Variants in METTL21A observed in about 807,000 individuals in gnomAD.
METTL21A encodes protein N-lysine methyltransferase METTL21A.
Under a neutral mutation model 20.9 loss-of-function variants are expected in METTL21A, and 22 were observed. That is an observed-to-expected ratio of 1.05 (90% CI 0.75 to 1.50). METTL21A has a LOEUF of 1.50. Among genes scored for constraint, METTL21A ranks in the 40% most tolerant of loss-of-function variants. METTL21A has a pLI of 0.00. For synonymous variants in METTL21A, 93 were observed against 102.0 expected (o/e 0.91, Z 0.53); for missense variants, 271 against 266.8 (o/e 1.02, Z -0.11).
intron 3 of METTL21A, among the ~76,000 whole-genome samples, chr2:207,583,727 T>C (rs1056760622): frequency 1.3e-5 from 2 of 152,208 alleles, no homozygotes; most frequent in African/African-American, 4.8e-5. Flanking sequence ...TTTTATGGGT[T>C]TTGATAGATG....
chr2:207,613,478 A>G (rs766255764), intron 3 of METTL21A, 35 bp from the exon 4 acceptor site: 1 of 1,530,772 alleles, frequency 6.5e-7, no homozygotes, highest in East Asian at 2.2e-5. Flanking sequence ...TGATGTGTAC[A>G]TCAGTACAAT....
chr2:207,592,465 C>CTG (rs1244053329), intron 3 of METTL21A, among the ~76,000 whole-genome samples: 4 of 151,864 alleles, frequency 2.6e-5, no homozygotes, highest in African/African-American at 4.8e-5. Flanking sequence ...GACAAGAAAT[C>CTG]TGTGTGTATA....
chr2:207,582,856 ACTC>A, intron 3 of METTL21A: 1 of 329,518 alleles, frequency 3.0e-6, no homozygotes, highest in Non-Finnish European at 6.0e-6. Flanking sequence ...TGGCACTACT[ACTC>A]CAGCCTGAGT....
chr2:207,595,945 T>C (rs1258933500), intron 3 of METTL21A, among the ~76,000 whole-genome samples: 2 of 152,220 alleles, frequency 1.3e-5, no homozygotes, highest in African/African-American at 4.8e-5. Flanking sequence ...CTTTTCACTA[T>C]TTATTGTCTT....
At chr2:207,588,138 TC>T (rs869253794) in intron 3 of METTL21A, among the ~76,000 whole-genome samples, 1 of 11,740 alleles carries the variant, frequency 8.5e-5, no homozygotes, top group Admixed American at 2.0e-3. Flanking sequence ...CACACAGACT[TC>T]GTTTTCCTCT....
chr2:207,621,878 C>G (rs1314189597), exon 3 of METTL21A: 16 of 1,614,178 alleles, frequency 9.9e-6, no homozygotes, highest in Non-Finnish European at 1.3e-5. Context: ...CCCCTGAGCT[C>G]CACAGCTCCC....
exon 2 of METTL21A, chr2:207,624,361 G>C (rs760466918): frequency 5.6e-6 from 9 of 1,613,352 alleles, no homozygotes; most frequent in Middle Eastern, 3.4e-4. Flanking sequence ...TCTCCTCATA[G>C]GGCACGAGGG....
chr2:207,614,339 G>A (rs2089398885), intron 3 of METTL21A, among the ~76,000 whole-genome samples: 3 of 151,228 alleles, frequency 2.0e-5, no homozygotes, highest in Non-Finnish European at 4.4e-5. Context: ...AGGCTGCAGT[G>A]AACTGTTATT....
At chr2:207,622,049 C>T in intron 2 of METTL21A, 132 bp from the exon 3 acceptor site, 6 of 740,898 alleles carry the variant, frequency 8.1e-6, no homozygotes, top group South Asian at 6.7e-5. Flanking sequence ...CACACAGGAA[C>T]TTAGCTGGTG....
chr2:207,594,587 G>A (rs1004226773), intron 3 of METTL21A, among the ~76,000 whole-genome samples: 4 of 152,172 alleles, frequency 2.6e-5, no homozygotes, highest in Admixed American at 2.0e-4. Context: ...TACATTGTAT[G>A]TATATACCAC....
At chr2:207,621,307 TAAG>T (rs1268243702) in intron 3 of METTL21A, among the ~76,000 whole-genome samples, 1 of 152,166 alleles carries the variant, frequency 6.6e-6, no homozygotes, top group Non-Finnish European at 1.5e-5. Flanking sequence ...ATTTTAAAAA[TAAG>T]AAGTCAGTAC....
At chr2:207,601,985 G>T (rs139271055) in intron 3 of METTL21A, 6 of 207,844 alleles carry the variant, frequency 2.9e-5, no homozygotes, top group Non-Finnish European at 5.9e-5. Context: ...GGCTAGGAGA[G>T]GCATTAATCT....
intron 1 of METTL21A, chr2:207,624,659 C>A: frequency 4.1e-6 from 1 of 241,932 alleles, no homozygotes; most frequent in Non-Finnish European, 8.0e-6. Flanking sequence ...GCAGAATACC[C>A]TATACACTGC....
At chr2:207,603,852 TAAA>T (rs1179820596) in intron 3 of METTL21A, among the ~76,000 whole-genome samples, 1 of 152,172 alleles carries the variant, frequency 6.6e-6, no homozygotes, top group African/African-American at 2.4e-5. Context: ...GCTGTAAGAA[TAAA>T]AAAGTTATCT....
chr2:207,605,460 C>G (rs1378516566), downstream of METTL21A, among the ~76,000 whole-genome samples: 1 of 152,054 alleles, frequency 6.6e-6, no homozygotes, highest in Admixed American at 6.6e-5. Flanking sequence ...ATATTTTCGC[C>G]TATAAGTTTT....
chr2:207,605,231 T>C (rs571453560), downstream of METTL21A, among the ~76,000 whole-genome samples: 6 of 152,310 alleles, frequency 3.9e-5, no homozygotes, highest in Non-Finnish European at 8.8e-5. Context: ...CCAACACTTA[T>C]TTTGCCATTT....
chr2:207,601,432 GA>G (rs1381444423), intron 3 of METTL21A: 1 of 189,422 alleles, frequency 5.3e-6, no homozygotes, highest in Non-Finnish European at 1.1e-5. Context: ...AGCTGTAAAA[GA>G]AAAACATCAG....
intron 3 of METTL21A, chr2:207,601,721 G>A (rs1366617681): frequency 9.3e-6 from 2 of 213,982 alleles, no homozygotes; most frequent in Non-Finnish European, 1.9e-5. Context: ...TAATGGCTTT[G>A]TTAACATCAA....
intron 3 of METTL21A, among the ~76,000 whole-genome samples, chr2:207,586,651 G>C (rs1410412380): frequency 6.6e-6 from 1 of 152,144 alleles, no homozygotes; most frequent in Non-Finnish European, 1.5e-5. Context: ...TTTACAAACT[G>C]TTCATCTGAC....
Sources: allele counts gnomAD v4.1 joint callset (sites outside exome capture counted in the v4.1 genomes callset), GRCh38; gene constraint gnomAD v4.1.1; transcripts MANE v1.5; gene names NCBI Gene and HGNC (gene_info 2026-07-23, HGNC 2026-07-21).